Variants in GATA1 observed in about 807,000 individuals in gnomAD.
GATA1 encodes erythroid transcription factor.
GATA1 carries 2 observed loss-of-function variants against 18.9 expected under a neutral mutation model. That is an observed-to-expected ratio of 0.11 (90% CI 0.04 to 0.33). The LOEUF is 0.33. Among genes scored for constraint, GATA1 ranks in the 10% least tolerant of loss-of-function variants. The pLI is 1.00. For synonymous variants in GATA1, 152 were observed against 149.1 expected (o/e 1.02, Z -0.14); for missense variants, 272 against 344.7 (o/e 0.79, Z 1.67).
chrX:48,790,641 A>G (rs989087968), intron 1 of GATA1, among the ~76,000 whole-genome samples: 1 of 101,969 alleles, frequency 9.8e-6, no homozygotes, highest in Non-Finnish European at 2.0e-5. Flanking sequence ...GAGTGGAAAG[A>G]GAAGGAAATG....
Position 48,794,158 on chromosome X carries a change from C to A in GATA1, c.1236C>A (p.Ser412Arg), listed in dbSNP as rs781979595. The change falls in exon 6 of 6, where the codon AGC (serine) becomes AGA (arginine). Residue 412 changes from serine (S) to arginine (R), a missense_variant. Physicochemically the swap from Ser to Arg is moderately radical, Grantham distance 110 (BLOSUM62 -1). Around this residue, in one of 3 missense-constraint regions of GATA1, gnomAD observed 83 missense variants for 84.2 expected, o/e 0.99. Transcript: ENST00000376670. Reference protein sequence around the residue: ...TTSTTVVAPLSS With the variant: ...TTSTTVVAPLRS ...GCACTACTGTGGTGGCTCCGCTCAG[C>A]TCATGAGGGCACAGAGCATGGCCTC... is the stretch of plus-strand genomic sequence containing the variant. 4.2e-6 allele frequency: 5 copies of A among 1,181,846 alleles called. No homozygotes were observed. In the East Asian group the frequency reaches 1.5e-4, roughly 35 times the overall value.
In GATA1 at chrX:48,792,254, G is replaced by T. The variant is rs1557020276; in HGVS notation, c.598+33G>T. On this transcript the variant is annotated intron_variant, in intron 3 of 5. Transcript: ENST00000376670. ...ATTCAAAAAAGGACAGGGAAGTTGA[G>T]GTGGGAGGGGTGGCCCAAAGTAAAG... The T allele has an allele frequency of 2.5e-6, 3 of 1,211,673 alleles. No individual in the cohort carries two copies. In the South Asian group the frequency reaches 5.3e-5, roughly 21 times the overall value.
In GATA1 at chrX:48,793,860, G is replaced by C; in HGVS notation, c.938G>C (p.Gly313Ala). Residue 313 changes from glycine (G) to alanine (A), a missense_variant, in exon 6 of 6, where the codon GGG becomes GCG. Coordinates refer to ENST00000376670, the MANE Select transcript of GATA1 (RefSeq NM_002049.4). ...CGAAACCGCAAGGCATCTGGAAAAG[G>C]GAAAAAGAAACGGGGCTCCAGTCTG... is the stretch of plus-strand genomic sequence containing the variant. ...QTRNRKASGK[G>A]KKKRGSSLGG... The C allele has an allele frequency of 8.3e-7, 1 of 1,209,051 alleles. No individual in the cohort carries two copies. Among genetic ancestry groups the C allele is most frequent in the Non-Finnish European group, 1.1e-6 (1 of 894,011 alleles).
intron 1 of GATA1, among the ~76,000 whole-genome samples, chrX:48,789,448 A>C (rs1557019646): frequency 9.0e-6 from 1 of 111,630 alleles, no homozygotes; most frequent in Non-Finnish European, 1.9e-5. Context: ...GGGATAGAGA[A>C]GTGGAGAGCT....
In GATA1 at chrX:48,793,816, G is replaced by C; in HGVS notation, c.894G>C (p.Arg298=). The stretch of plus-strand genomic sequence containing the variant: ...AGGTGAACCGGCCACTGACCATGCG[G>C]AAGGATGGTATTCAGACTCGAAACC... ...LHQVNRPLTM[R]KDGIQTRNRK... is the part of the protein sequence containing the mutation. Residue 298 remains arginine (R), a synonymous_variant, in exon 6 of 6, where the codon CGG becomes CGC. Transcript: ENST00000376670. The C allele has an allele frequency of 6.6e-6, 8 of 1,211,134 alleles. No individual in the cohort carries two copies. Among genetic ancestry groups the C allele is most frequent in the Non-Finnish European group, 8.9e-6 (8 of 895,156 alleles).
chrX:48,787,674 G>A (rs868941973), intron 1 of GATA1, among the ~76,000 whole-genome samples: 14 of 110,802 alleles, frequency 1.3e-4, no homozygotes, highest in Non-Finnish European at 2.5e-4. Context: ...TTCCAAGCTC[G>A]TCTCTGCTCC....
rs781964937 is a variant in GATA1, at chrX:48,793,871, C to A, written c.949C>A (p.Arg317=). The A allele has an allele frequency of 1.1e-5, 13 of 1,206,395 alleles. No individual in the cohort carries two copies. The highest frequency in any genetic ancestry group is 1.5e-5 in the Non-Finnish European group (13 of 893,084). Residue 317 remains arginine (R), a synonymous_variant, in exon 6 of 6, where the codon CGG becomes AGG. Transcript: ENST00000376670. ...RKASGKGKKK[R]GSSLGGTGAA... is the part of the protein sequence containing the mutation. ...GGCATCTGGAAAAGGGAAAAAGAAA[C>A]GGGGCTCCAGTCTGGGAGGCACAGG...
intron 2 of GATA1, 142 bp from the exon 3 acceptor site, chrX:48,791,702 C>T (rs782224378): frequency 4.8e-5 from 33 of 693,876 alleles, no homozygotes; most frequent in Non-Finnish European, 6.7e-5. Context: ...ATCCAATGGC[C>T]AGCAGCTGTT....
intron 2 of GATA1, 31 bp from the exon 3 acceptor site, chrX:48,791,813 T>C: frequency 8.3e-7 from 1 of 1,209,683 alleles, no homozygotes; most frequent in Non-Finnish European, 1.1e-6. Flanking sequence ...TTTTGCCTCT[T>C]CTTTCCTCCA....
chrX:48,787,435 C>T (rs2062661603), intron 1 of GATA1, among the ~76,000 whole-genome samples: 1 of 110,643 alleles, frequency 9.0e-6, no homozygotes, highest in Non-Finnish European at 1.9e-5. Flanking sequence ...CTTGGCTTCT[C>T]AAACTCCCCT....
Position 48,791,150 on chromosome X carries a change from C to T in GATA1, c.41C>T (p.Pro14Leu), listed in dbSNP as rs1478971085. Residue 14 changes from proline to leucine, a missense_variant, in exon 2 of 6, where the codon CCC becomes CTC. Pro to Leu is a moderately conservative substitution (Grantham distance 98). Coordinates refer to ENST00000376670, the MANE Select transcript of GATA1 (RefSeq NM_002049.4). ...CTGGGGTCCCTGGGGACCTCAGAGC[C>T]CCTCCCCCAGTTTGTGGATCCTGCT... ...PGLGSLGTSE[P>L]LPQFVDPALV... 8.3e-7 allele frequency: 1 copy of T among 1,209,451 alleles called. No individual in the cohort carries two copies. The highest frequency in any genetic ancestry group is 2.2e-5 in the Admixed American group (1 of 45,891).
chrX:48,792,530 A>G (rs1297006587), intron 4 of GATA1, 62 bp downstream of exon 4: 1 of 1,178,656 alleles, frequency 8.5e-7, no homozygotes, highest in African/African-American at 1.8e-5. Flanking sequence ...CTGTACAAGA[A>G]GCCACATCTT....
rs781832650 is a variant in GATA1, at chrX:48,794,174, G to T, written c.*10G>T. 57 of 1,187,470 alleles carry T rather than the reference G, an allele frequency of 4.8e-5. 1 individual carries two copies. The South Asian group carries it at 9.2e-4, about 19-fold the overall frequency. ...TCCGCTCAGCTCATGAGGGCACAGA[G>T]CATGGCCTCCAGAGGAGGGGTGGTG... On this transcript the variant is annotated 3_prime_UTR_variant, in exon 6 of 6. Coordinates refer to ENST00000376670, the MANE Select transcript of GATA1 (RefSeq NM_002049.4).
intron 1 of GATA1, among the ~76,000 whole-genome samples, chrX:48,790,660 G>C (rs782685566): frequency 6.8e-4 from 69 of 100,735 alleles, no homozygotes; most frequent in Admixed American, 2.8e-3. Flanking sequence ...TGGGGAAGAG[G>C]GGGGCAAAGA....
intron 4 of GATA1, 23 bp from the exon 5 acceptor site, chrX:48,793,149 T>G: frequency 1.7e-6 from 2 of 1,209,032 alleles, no homozygotes; most frequent in Non-Finnish European, 2.2e-6. Context: ...AGGGCACTGA[T>G]CTCACATCCT....
intron 1 of GATA1, among the ~76,000 whole-genome samples, chrX:48,790,196 T>C (rs944771459): frequency 9.1e-6 from 1 of 109,996 alleles, no homozygotes; most frequent in African/African-American, 3.3e-5. Context: ...CTCACACCTG[T>C]AATCCCAGTA....
chrX:48,790,527 A>T (rs1311197929), intron 1 of GATA1, among the ~76,000 whole-genome samples: 1 of 109,163 alleles, frequency 9.2e-6, no homozygotes, highest in Non-Finnish European at 1.9e-5. Context: ...AGACAAAAAG[A>T]GAAGGAGGAC....
At position 48,794,047 on chromosome X, in the gene GATA1, T is replaced by C. The variant is rs781967611; in HGVS notation, c.1125T>C (p.Pro375=). The C allele has an allele frequency of 8.3e-7, 1 of 1,211,088 alleles. No homozygotes were observed. The highest frequency in any genetic ancestry group is 1.1e-6 in the Non-Finnish European group (1 of 895,100). Residue 375 remains proline, a synonymous_variant, in exon 6 of 6, where the codon CCT becomes CCC. Coordinates refer to ENST00000376670, the MANE Select transcript of GATA1 (RefSeq NM_002049.4). The part of the protein sequence containing the change: ...QGLGPVVLSG[P]VSHLMPFPGP... ...TGGGCCCTGTGGTGCTGTCAGGGCCTGTTAGCCACCTCATGCCTTTCCCTG... is the reference window on the plus strand; with the variant it reads ...TGGGCCCTGTGGTGCTGTCAGGGCCCGTTAGCCACCTCATGCCTTTCCCTG...
In GATA1 at chrX:48,794,035, G is replaced by A. The variant is rs781921917; in HGVS notation, c.1113G>A (p.Val371=). ...TCTACCAAGGCCTGGGCCCTGTGGT[G>A]CTGTCAGGGCCTGTTAGCCACCTCA... ...AHLYQGLGPV[V]LSGPVSHLMP... Residue 371 remains valine (V), a synonymous_variant, in exon 6 of 6, where the codon GTG becomes GTA. Transcript: ENST00000376670. The A allele has an allele frequency of 8.3e-7, 1 of 1,211,144 alleles. No individual in the cohort carries two copies. Among genetic ancestry groups the A allele is most frequent in the East Asian group, 3.0e-5 (1 of 33,805 alleles).
Sources: allele counts gnomAD v4.1 joint callset (sites outside exome capture counted in the v4.1 genomes callset), GRCh38; gene constraint gnomAD v4.1.1; regional missense constraint gnomAD v4.1.1; transcripts MANE v1.5; gene names NCBI Gene and HGNC (gene_info 2026-07-23, HGNC 2026-07-21).